Variants in TMEM269 observed in about 807,000 individuals in gnomAD.
TMEM269 encodes transmembrane protein 269.
A neutral mutation model predicts 15.8 loss-of-function variants in TMEM269; 12 were observed. The observed-to-expected ratio is 0.76, with a 90% CI of 0.49 to 1.23. The LOEUF (loss-of-function observed/expected upper bound fraction) is 1.23. TMEM269 is among the 50% of genes most tolerant of loss of function. TMEM269 has a pLI of 0.00. For missense variants in TMEM269, 211 were observed against 245.4 expected, an observed-to-expected ratio of 0.86 and a Z score of 0.94; for synonymous variants, 93 against 99.3, an observed-to-expected ratio of 0.94 and a Z score of 0.38.
In TMEM269 at chr1:42,794,524, T is replaced by C. The variant is rs1157692120; in HGVS notation, c.395T>C (p.Leu132Pro). The C allele has an allele frequency of 1.9e-6, 3 of 1,550,846 alleles. No individual in the cohort carries two copies. The African/African-American group carries it at 4.1e-5, about 21-fold the overall frequency. ...NRFILCCMAS[L>P]MILFMMDQSY... The stretch of plus-strand genomic sequence containing the variant: ...TTCATCCTCTGCTGCATGGCCTCAC[T>C]CATGATTCTCTTCATGATGGACCAG... Residue 132 changes from leucine (L) to proline (P), a missense_variant, in exon 5 of 6, where the codon CTC (leucine) becomes CCC (proline). Leu to Pro is a moderately conservative substitution (Grantham distance 98). Transcript: ENST00000637012.
At chr1:42,791,660 C>T (rs1336823780) in intron 2 of TMEM269, among the ~76,000 whole-genome samples, 2 of 152,088 alleles carry the variant, frequency 1.3e-5, no homozygotes, top group East Asian at 3.8e-4. Context: ...CCTTAGGAAA[C>T]TAGAATAAGA....
chr1:42,786,136 G>T (rs1653539228), intron 1 of TMEM269, among the ~76,000 whole-genome samples: 1 of 152,230 alleles, frequency 6.6e-6, no homozygotes, highest in Admixed American at 6.5e-5. Flanking sequence ...GCTTCTTGGA[G>T]GCCACACTGG....
chr1:42,793,367 G>A (rs1312736740), intron 3 of TMEM269, among the ~76,000 whole-genome samples: 1 of 152,188 alleles, frequency 6.6e-6, no homozygotes, highest in Non-Finnish European at 1.5e-5. Context: ...CATGTTAAGG[G>A]ATGGGAAGAC....
chr1:42,792,872 A>T lies in TMEM269; in HGVS notation c.109A>T (p.Thr37Ser). The change falls in exon 3 of 6, where the codon ACC (threonine) becomes TCC (serine). Residue 37 changes from threonine (T) to serine (S), a missense_variant. Physicochemically the swap from Thr to Ser is moderately conservative, Grantham distance 58. Coordinates refer to ENST00000637012, the MANE Select transcript of TMEM269 (RefSeq NM_001354602.2). ...FLLDMAVRAM[T>S]SHINICSKLG... ...GTTAGACATGGCAGTCAGGGCAATG[A>T]CCAGCCACATCAACATATGCTCCAA... The T allele has an allele frequency of 6.4e-7, 1 of 1,550,408 alleles. No individual in the cohort carries two copies. The highest frequency in any genetic ancestry group is 2.4e-5 in the East Asian group (1 of 40,900).
intron 2 of TMEM269, among the ~76,000 whole-genome samples, chr1:42,791,028 G>A (rs1044144204): frequency 6.6e-6 from 1 of 152,110 alleles, no homozygotes; most frequent in African/African-American, 2.4e-5. Context: ...GCTGGATGGA[G>A]GCACAGAATC....
At chr1:42,798,021 G>T (rs1321520276) in intron 5 of TMEM269, 77 bp from the exon 6 acceptor site, 2 of 1,492,486 alleles carry the variant, frequency 1.3e-6, no homozygotes, top group Admixed American at 3.9e-5. Context: ...GGGAGGGTGG[G>T]GACGGGAGAG....
rs1245491183 is a variant in TMEM269 at position 42,798,100 on chromosome 1, G to A, written c.487G>A (p.Val163Ile). ...GTCTGCACTTTTTGTTCTTCCAGGT[G>A]TCATCATGCTGTTTTTCTCCCCATT... ...NWKKLVYIGG[V>I]IMLFFSPLSL... The change falls in exon 6 of 6, where the codon GTC (valine) becomes ATC (isoleucine). Residue 163 changes from valine (V) to isoleucine (I), a missense_variant and splice_region_variant. By Grantham distance (29) the Val-to-Ile change is conservative (BLOSUM62 3). Transcript: ENST00000637012. 3.2e-6 allele frequency: 5 copies of A among 1,548,798 alleles called. No homozygotes were observed. In the Admixed American group the frequency reaches 9.8e-5, roughly 30 times the overall value.
rs543298764 is a variant in TMEM269 at position 42,799,814 on chromosome 1, A to G, written c.*1589A>G. On this transcript the variant is annotated 3_prime_UTR_variant, in exon 6 of 6. Coordinates refer to ENST00000637012, the MANE Select transcript of TMEM269 (RefSeq NM_001354602.2). ...TAATCAAAGCATTTTAGGAACTCCA[A>G]TCTGAAAATGGTCTTCACATAAATT... 6.6e-6 allele frequency: 1 copy of G among 152,338 alleles called. No individual in the cohort carries two copies. The highest frequency in any genetic ancestry group is 2.4e-5 in the African/African-American group (1 of 41,588). The allele number at this position is 152,338 out of a possible 1,614,324, so 9.4% of individuals were successfully genotyped here. A position where few individuals can be genotyped will look rare whatever the true frequency, so the allele number is the denominator to read the frequency against.
chr1:42,789,767 AC>A (rs746820635), intron 1 of TMEM269, 28 bp from the exon 2 acceptor site: 1 of 1,280,484 alleles, frequency 7.8e-7, no homozygotes, highest in South Asian at 1.3e-5. Context: ...AACCTTGGGA[AC>A]CCTTCGCCCC....
In TMEM269 at chr1:42,797,575, T is replaced by A. The variant is rs1653809375; in HGVS notation, c.485-523T>A. 6.6e-6 allele frequency among the ~76,000 whole-genome samples: 1 copy of A among 152,182 alleles called. No individual in the cohort carries two copies. Among genetic ancestry groups the A allele is most frequent in the South Asian group, 2.1e-4 (1 of 4,834 alleles). ...GTCTAGGAACAGTGAGACACTCTTATCAGTTGGGGAAAGTTTTATGTTGGT... is the reference window on the plus strand; with the variant it reads ...GTCTAGGAACAGTGAGACACTCTTAACAGTTGGGGAAAGTTTTATGTTGGT... On this transcript the variant is annotated intron_variant, in intron 5 of 5. Transcript: ENST00000637012. The surrounding 1 kb of genome is among the most constrained non-coding windows in gnomAD (Gnocchi z 4.9).
Position 42,794,582 on chromosome 1 carries a change from T to G in TMEM269, c.453T>G (p.Ser151=), listed in dbSNP as rs1234541719. The change falls in exon 5 of 6, where the codon TCT becomes TCG. Residue 151 remains serine (S), a synonymous_variant. Transcript: ENST00000637012. ...SYYPYDKILE[S]ENWKKLVYIG... ...ATCCATATGACAAAATCCTGGAGTC[T>G]GAGAACTGGAAAAAATTGGTTTATA... 1 of 1,550,918 alleles carries G rather than the reference T, an allele frequency of 6.4e-7. No individual in the cohort carries two copies. The highest frequency in any genetic ancestry group is 2.0e-5 in the Admixed American group (1 of 50,998).
At chr1:42,789,327 C>T (rs1294205802) in intron 1 of TMEM269, 5 of 942,412 alleles carry the variant, frequency 5.3e-6, no homozygotes, top group Non-Finnish European at 8.1e-6. Context: ...CAGCTGCAGC[C>T]CTGTGCTTCA....
At chr1:42,786,241 A>G (rs1168389426) in intron 1 of TMEM269, among the ~76,000 whole-genome samples, 1 of 152,172 alleles carries the variant, frequency 6.6e-6, no homozygotes, top group Non-Finnish European at 1.5e-5. Flanking sequence ...CAAACACAGA[A>G]CAACTTCTAT....
intron 3 of TMEM269, 134 bp from the exon 4 acceptor site, chr1:42,793,467 C>A: frequency 1.1e-6 from 1 of 889,574 alleles, no homozygotes; most frequent in African/African-American, 1.7e-5. Flanking sequence ...CTGAAGACTG[C>A]CCCAGGGGAG....
rs1013834790 is a variant in TMEM269 at position 42,799,848 on chromosome 1, C to T, written c.*1623C>T. The T allele has an allele frequency of 2.6e-5, 4 of 152,136 alleles. No individual in the cohort carries two copies. Among genetic ancestry groups the T allele is most frequent in the Non-Finnish European group, 5.9e-5 (4 of 68,018 alleles). The allele number at this position is 152,136 out of a possible 1,614,324, so 9.4% of individuals were successfully genotyped here. ...TGGTCTTCACATAAATTCTTAAGGA[C>T]CAAGCAGCTGGAACAACACCACCAC... On this transcript the variant is annotated 3_prime_UTR_variant, in exon 6 of 6. Transcript: ENST00000637012.
chr1:42,792,096 A>G (rs1653697105), intron 2 of TMEM269, among the ~76,000 whole-genome samples: 1 of 152,236 alleles, frequency 6.6e-6, no homozygotes, highest in Non-Finnish European at 1.5e-5. Flanking sequence ...ATTCTTTGAG[A>G]AGATCAATAA....
In TMEM269 at chr1:42,800,314, C is replaced by T. The variant is rs2816599; in HGVS notation, c.*2089C>T. 0.23 allele frequency: 35,145 copies of T among 152,056 alleles called. 4,664 individuals are homozygous for T. Among genetic ancestry groups the T allele is most frequent in the Non-Finnish European group, 0.29 (19,656 of 67,968 alleles). The allele number at this position is 152,056 out of a possible 1,614,324, so 9.4% of individuals were successfully genotyped here. A position where few individuals can be genotyped will look rare whatever the true frequency, so the allele number is the denominator to read the frequency against. Reference sequence around the variant, plus strand: ...CTGAGAGTATGGTTATACTTCTATACGGGCTTGAGGGTCTCAGATACTAAG... The same window carrying T: ...CTGAGAGTATGGTTATACTTCTATATGGGCTTGAGGGTCTCAGATACTAAG... On this transcript the variant is annotated 3_prime_UTR_variant, in exon 6 of 6. Coordinates refer to ENST00000637012, the MANE Select transcript of TMEM269 (RefSeq NM_001354602.2).
Position 42,797,035 on chromosome 1 carries a change from C to G in TMEM269, c.485-1063C>G, listed in dbSNP as rs928632744. Reference sequence around the variant, plus strand: ...TCTGTTTCTTCTTATGAAAAACAGACTTAGTTCTAAACCACGGGATTATTG... The same window carrying G: ...TCTGTTTCTTCTTATGAAAAACAGAGTTAGTTCTAAACCACGGGATTATTG... On this transcript the variant is annotated intron_variant, in intron 5 of 5. Transcript: ENST00000637012. This position sits in a 1 kb window ranked among gnomAD's most constrained non-coding sequence, Gnocchi z 4.9. Among the ~76,000 whole-genome samples the G allele has an allele frequency of 6.6e-6, 1 of 152,042 alleles. No individual in the cohort carries two copies. Among genetic ancestry groups the G allele is most frequent in the African/African-American group, 2.4e-5 (1 of 41,400 alleles).
In TMEM269 at chr1:42,799,351, C is replaced by G. The variant is rs1240281256; in HGVS notation, c.*1126C>G. On this transcript the variant is annotated 3_prime_UTR_variant, in exon 6 of 6. Transcript: ENST00000637012. ...AAAAGGATTGATGGCTGGTTCTGCT[C>G]CACCCTCAGAGACTGTGCCAGAACA... 1 of 151,936 alleles carries G rather than the reference C, an allele frequency of 6.6e-6. No individual in the cohort carries two copies. The highest frequency in any genetic ancestry group is 2.4e-5 in the African/African-American group (1 of 41,372). The allele number at this position is 151,936 out of a possible 1,614,324, so 9.4% of individuals were successfully genotyped here. A position where few individuals can be genotyped will look rare whatever the true frequency, so the allele number is the denominator to read the frequency against.
Sources: allele counts gnomAD v4.1 joint callset (sites outside exome capture counted in the v4.1 genomes callset), GRCh38; gene constraint gnomAD v4.1.1; non-coding constraint Gnocchi (gnomAD v3.1); transcripts MANE v1.5; gene names NCBI Gene and HGNC (gene_info 2026-07-23, HGNC 2026-07-21).